The following RBFOX1 variants were observed in gnomAD, a reference collection of about 807,000 sequenced individuals.
RBFOX1 encodes the protein RNA binding fox-1 homolog 1, also known as RNA binding protein fox-1 homolog 1.
Under a neutral mutation model 57.7 loss-of-function variants are expected in RBFOX1, and 8 were observed. The ratio of observed to expected loss-of-function variants is 0.14; its 90% CI spans 0.08 to 0.25. The LOEUF (loss-of-function observed/expected upper bound fraction) is 0.25. Among genes scored for constraint, RBFOX1 ranks in the 10% least tolerant of loss-of-function variants. The probability of loss-of-function intolerance (pLI) is 1.00; values close to 1 mark genes in which losing one functional copy is unlikely to be tolerated. For synonymous variants in RBFOX1, 326 were observed against 222.4 expected, an observed-to-expected ratio of 1.47 and a Z score of -4.15; for missense variants, 611 against 548.5, an observed-to-expected ratio of 1.11 and a Z score of -1.14.
At chr16:6,699,901 A>G (rs143644492) in intron 3 of RBFOX1, among the ~76,000 whole-genome samples, 35 of 152,294 alleles carry the variant, frequency 2.3e-4, no homozygotes, top group African/African-American at 7.5e-4. Flanking sequence ...TTTGGGCCCA[A>G]AGGTAATGTT....
At chr16:5,394,113 T>G (rs1227105406) in intron 1 of RBFOX1, among the ~76,000 whole-genome samples, 2 of 152,100 alleles carry the variant, frequency 1.3e-5, no homozygotes, top group African/African-American at 2.4e-5. Flanking sequence ...AGCCTCCACC[T>G]CCTGGGTTCA....
At chr16:5,732,057 C>G (rs190269571) in intron 3 of RBFOX1, among the ~76,000 whole-genome samples, 1 of 152,162 alleles carries the variant, frequency 6.6e-6, no homozygotes, top group African/African-American at 2.4e-5. Context: ...AACATTTCCT[C>G]TTTGCTTCAT....
At chr16:6,402,004 G>A (rs1351620034) in intron 2 of RBFOX1, among the ~76,000 whole-genome samples, 4 of 151,518 alleles carry the variant, frequency 2.6e-5, no homozygotes, top group Admixed American at 6.6e-5. Flanking sequence ...CTGTCGAAAC[G>A]TTCCTCTGGC....
chr16:7,188,724 T>G (rs1435767826), intron 4 of RBFOX1, among the ~76,000 whole-genome samples: 1 of 152,196 alleles, frequency 6.6e-6, no homozygotes, highest in African/African-American at 2.4e-5. Context: ...CTACCATATA[T>G]TTGGAGATTC....
At chr16:6,133,883 G>C (rs1376742703) in intron 1 of RBFOX1, among the ~76,000 whole-genome samples, 1 of 151,758 alleles carries the variant, frequency 6.6e-6, no homozygotes, top group Non-Finnish European at 1.5e-5. Context: ...TTACTGTTTA[G>C]ACCCCAGCTC....
chr16:5,309,135 C>A (rs970078298), intron 1 of RBFOX1, among the ~76,000 whole-genome samples: 3 of 152,188 alleles, frequency 2.0e-5, no homozygotes, highest in Admixed American at 2.0e-4. Context: ...TCTAATAATT[C>A]TTGCAGATCC....
chr16:5,978,958 T>A (rs1183524189), intron 4 of RBFOX1, among the ~76,000 whole-genome samples: 1 of 152,256 alleles, frequency 6.6e-6, no homozygotes, highest in Non-Finnish European at 1.5e-5. Context: ...CGTTCCATGC[T>A]GTATTCTTTG....
At chr16:5,795,908 C>T (rs1011724206) in intron 3 of RBFOX1, among the ~76,000 whole-genome samples, 1 of 152,156 alleles carries the variant, frequency 6.6e-6, no homozygotes, top group South Asian at 2.1e-4. Flanking sequence ...CTTTTGTTTG[C>T]TCTACTGGAG....
chr16:7,474,581 A>C (rs1385513662), intron 4 of RBFOX1, among the ~76,000 whole-genome samples: 2 of 152,224 alleles, frequency 1.3e-5, no homozygotes, highest in Non-Finnish European at 2.9e-5. Flanking sequence ...GCAAAATTAA[A>C]GTGGCAGGAC....
intron 4 of RBFOX1, among the ~76,000 whole-genome samples, chr16:7,299,876 TATC>T (rs1360496770): frequency 6.6e-6 from 1 of 152,188 alleles, no homozygotes; most frequent in East Asian, 1.9e-4. Flanking sequence ...AAGTTGAAAA[TATC>T]ATAAGTAGAA....
chr16:7,140,831 C>T (rs531137864), intron 4 of RBFOX1, among the ~76,000 whole-genome samples: 17 of 152,166 alleles, frequency 1.1e-4, no homozygotes, highest in Non-Finnish European at 2.5e-4. Flanking sequence ...AGATCCACAC[C>T]TCTTGGCGGA....
chr16:7,063,480 C>G (rs966411086), intron 4 of RBFOX1, among the ~76,000 whole-genome samples: 3 of 152,168 alleles, frequency 2.0e-5, no homozygotes, highest in Non-Finnish European at 4.4e-5. Context: ...GCCATTTCCT[C>G]AGCTCTACCC....
intron 2 of RBFOX1, among the ~76,000 whole-genome samples, chr16:6,548,526 A>G (rs1344071761): frequency 6.6e-6 from 1 of 152,230 alleles, no homozygotes; most frequent in African/African-American, 2.4e-5. Context: ...TGAAAAAAGA[A>G]ATTTTTTTAA....
intron 1 of RBFOX1, among the ~76,000 whole-genome samples, chr16:5,255,616 C>T (rs1236196554): frequency 2.0e-5 from 3 of 151,870 alleles, no homozygotes; most frequent in Non-Finnish European, 4.4e-5. Flanking sequence ...ATCCATTTCT[C>T]CACCCACTCA....
At chr16:5,417,016 A>C (rs145682859) in intron 1 of RBFOX1, among the ~76,000 whole-genome samples, 1,567 of 152,304 alleles carry the variant, frequency 0.01, 38 homozygotes, top group African/African-American at 0.036. Context: ...GTGTAGAGAG[A>C]GCAAGGAAGA....
chr16:6,965,871 G>C (rs915498290), intron 3 of RBFOX1, among the ~76,000 whole-genome samples: 1 of 152,122 alleles, frequency 6.6e-6, no homozygotes, highest in African/African-American at 2.4e-5. Flanking sequence ...TGAGGCATGG[G>C]GGGATTAAGT....
intron 5 of RBFOX1, among the ~76,000 whole-genome samples, chr16:7,541,652 A>T (rs2082970873): frequency 6.6e-6 from 1 of 151,006 alleles, no homozygotes; most frequent in Non-Finnish European, 1.5e-5. Flanking sequence ...AAATTTTGTT[A>T]AAAATGTTTC....
At chr16:5,784,742 G>T (rs1380902422) in intron 3 of RBFOX1, among the ~76,000 whole-genome samples, 1 of 152,092 alleles carries the variant, frequency 6.6e-6, no homozygotes, top group Non-Finnish European at 1.5e-5. Flanking sequence ...CTTATGAATT[G>T]GATTAGTGCC....
chr16:6,607,029 G>C (rs1206439202), intron 2 of RBFOX1, among the ~76,000 whole-genome samples: 1 of 152,098 alleles, frequency 6.6e-6, no homozygotes, highest in Non-Finnish European at 1.5e-5. Flanking sequence ...GTTGTTTCTT[G>C]ACTTTTTAAT....
Sources: gnomAD v4.1 joint callset for allele counts (sites outside exome capture counted in the v4.1 genomes callset) on GRCh38, gnomAD v4.1.1 for gene constraint, MANE v1.5 for transcripts, NCBI Gene and HGNC (gene_info 2026-07-23, HGNC 2026-07-21) for gene names.